The following DMD variants were observed in gnomAD, a reference collection of about 807,000 sequenced individuals.
The protein encoded by DMD is dystrophin.
A neutral mutation model predicts 330.1 loss-of-function variants in DMD; 63 were observed. The ratio of observed to expected loss-of-function variants is 0.19; its 90% CI spans 0.16 to 0.24. DMD has a LOEUF of 0.24. Ranked by LOEUF, DMD falls within the 10% of genes least tolerant of loss-of-function variation. DMD has a pLI of 1.00. For missense variants in DMD, 3,344 were observed against 2,684.1 expected, an observed-to-expected ratio of 1.25 and a Z score of -5.43; for synonymous variants, 1,223 against 959.8, an observed-to-expected ratio of 1.27 and a Z score of -5.07.
chrX:31,146,184 C>T (rs960566725), intron 76 of DMD, 107 bp downstream of exon 76: 4 of 977,836 alleles, frequency 4.1e-6, no homozygotes, highest in Non-Finnish European at 5.8e-6. Context: ...TCAGTGGCTC[C>T]CTGATACCAA....
chrX:31,244,589 G>A (rs1283006138), intron 63 of DMD, among the ~76,000 whole-genome samples: 2 of 111,655 alleles, frequency 1.8e-5, no homozygotes, highest in Admixed American at 9.6e-5. Flanking sequence ...TTTTACAAAA[G>A]TGGTACCCCA....
intron 44 of DMD, among the ~76,000 whole-genome samples, chrX:32,130,874 GAT>G (rs1383419965): frequency 4.5e-5 from 5 of 111,830 alleles, no homozygotes; most frequent in African/African-American, 1.6e-4. Context: ...AAGACATATT[GAT>G]ATTTAAAAAT....
At position 32,658,709 on chromosome X, in the gene DMD, C is replaced by G. The variant is rs1273402086; in HGVS notation, c.961-13557G>C. ...CACTCTATTGCATGTCCAAGCTAGC[C>G]ATCTCTGAAATCTCACTGCCCTCCC... On this transcript the variant is annotated intron_variant, in intron 9 of 78. Transcript: ENST00000357033. Among the ~76,000 whole-genome samples, 9 of 111,014 alleles carry G rather than the reference C, an allele frequency of 8.1e-5. No individual in the cohort carries two copies. In the East Asian group the frequency reaches 2.6e-3, roughly 32 times the overall value.
intron 60 of DMD, among the ~76,000 whole-genome samples, chrX:31,421,904 CACACACACACATATATATATATATATAT>C (rs1431364991): frequency 3.2e-5 from 2 of 63,134 alleles, no homozygotes; most frequent in East Asian, 7.8e-4. Flanking sequence ...TATATATACA[CACACACACACATATATATATATATATAT>C]ACACACACAC....
At chrX:32,089,342 C>A (rs1057279892) in intron 44 of DMD, among the ~76,000 whole-genome samples, 1 of 111,680 alleles carries the variant, frequency 9.0e-6, no homozygotes, top group Non-Finnish European at 1.9e-5. Context: ...TACAGGTGAA[C>A]TGCATTTTGC....
intron 1 of DMD, among the ~76,000 whole-genome samples, chrX:33,241,864 C>T (rs1048211384): frequency 1.8e-5 from 2 of 110,851 alleles, no homozygotes; most frequent in Admixed American, 9.6e-5. Context: ...TGGATTCCAG[C>T]GATTCTCATG....
chrX:32,607,854 G>A (rs1430632431), intron 12 of DMD, among the ~76,000 whole-genome samples: 1 of 110,046 alleles, frequency 9.1e-6, no homozygotes, highest in African/African-American at 3.3e-5. Flanking sequence ...GATTGTTACA[G>A]TACTGGTTCA....
At chrX:33,031,426 G>A (rs1374046871) in intron 1 of DMD, among the ~76,000 whole-genome samples, 2 of 111,253 alleles carry the variant, frequency 1.8e-5, no homozygotes, top group Non-Finnish European at 3.8e-5. Context: ...CTCTGTAGTG[G>A]AATTTGGGCC....
intron 1 of DMD, among the ~76,000 whole-genome samples, chrX:33,067,796 G>A (rs1306013828): frequency 9.0e-6 from 1 of 110,708 alleles, no homozygotes; most frequent in Non-Finnish European, 1.9e-5. Context: ...AGTGAGCCGA[G>A]ATCACACCAC....
At chrX:33,288,904 C>T (rs751462716) in intron 1 of DMD, among the ~76,000 whole-genome samples, 11 of 110,835 alleles carry the variant, frequency 9.9e-5, no homozygotes, top group East Asian at 5.7e-4. Context: ...TGCCTAAAGT[C>T]GAAAAGGGCT....
At chrX:32,896,581 GGTAACAAAACA>G (rs1449662113) in intron 2 of DMD, among the ~76,000 whole-genome samples, 1 of 111,531 alleles carries the variant, frequency 9.0e-6, no homozygotes, top group East Asian at 2.8e-4. Flanking sequence ...TTAAAGCAGT[GGTAACAAAACA>G]ATTGGTGTCA....
chrX:31,744,873 C>G (rs753053889), intron 51 of DMD, among the ~76,000 whole-genome samples: 2 of 112,060 alleles, frequency 1.8e-5, no homozygotes, highest in African/African-American at 6.5e-5. Flanking sequence ...GGGAATGTGC[C>G]TCATGGATGA....
chrX:32,233,970 T>C (rs147900345), intron 43 of DMD, among the ~76,000 whole-genome samples: 1,547 of 111,007 alleles, frequency 0.014, 25 homozygotes, highest in African/African-American at 0.047. Context: ...CAAAATTGTA[T>C]ATATATGTAA....
chrX:32,177,671 T>C (rs755542363), intron 44 of DMD, among the ~76,000 whole-genome samples: 31 of 111,050 alleles, frequency 2.8e-4, no homozygotes, highest in African/African-American at 1.0e-3. Context: ...TTCATCATGG[T>C]TGATTACTTG....
intron 57 of DMD, among the ~76,000 whole-genome samples, chrX:31,482,017 T>C (rs2068325894): frequency 9.0e-6 from 1 of 110,759 alleles, no homozygotes; most frequent in Admixed American, 9.6e-5. Context: ...CTCCCACTTA[T>C]GGAGTACCCA....
At chrX:32,624,949 G>T (rs934324944) in intron 11 of DMD, among the ~76,000 whole-genome samples, 51 of 111,301 alleles carry the variant, frequency 4.6e-4, no homozygotes, top group African/African-American at 1.6e-3. Context: ...TGAGGCGGCG[G>T]ATCACAAGGT....
chrX:32,402,623 T>C (rs1393483210), intron 30 of DMD, among the ~76,000 whole-genome samples: 4 of 111,683 alleles, frequency 3.6e-5, no homozygotes, highest in Non-Finnish European at 7.5e-5. Flanking sequence ...GATATTCACA[T>C]GGTATAATCC....
At position 32,411,376 on chromosome X, in the gene DMD, G is replaced by A. The variant is rs772957412; in HGVS notation, c.4233+376C>T. On this transcript the variant is annotated intron_variant, in intron 30 of 78. Transcript: ENST00000357033. Reference sequence around the variant, plus strand: ...GAACTCCTGACATTGTGATTCGTGGGCCTCAGCATCCCAAAGGGCTGGGAT... The same window carrying A: ...GAACTCCTGACATTGTGATTCGTGGACCTCAGCATCCCAAAGGGCTGGGAT... 4.8e-4 allele frequency among the ~76,000 whole-genome samples: 53 copies of A among 110,842 alleles called. No homozygotes were observed. The South Asian group carries it at 0.019, about 39-fold the overall frequency.
At chrX:31,933,091 T>C (rs2094879605) in intron 45 of DMD, among the ~76,000 whole-genome samples, 1 of 112,068 alleles carries the variant, frequency 8.9e-6, no homozygotes, top group Admixed American at 9.5e-5. Context: ...AGTAAGTATA[T>C]AACCTAAAGT....
Sources: gnomAD v4.1 joint callset for allele counts (sites outside exome capture counted in the v4.1 genomes callset) on GRCh38, gnomAD v4.1.1 for gene constraint, MANE v1.5 for transcripts, NCBI Gene and HGNC (gene_info 2026-07-23, HGNC 2026-07-21) for gene names.